The following FSTL5 variants were observed in gnomAD, a reference collection of about 807,000 sequenced individuals.
FSTL5 encodes follistatin like 5.
FSTL5 carries 62 observed loss-of-function variants against 89.1 expected under a neutral mutation model. That is an observed-to-expected ratio of 0.70 (90% CI 0.57 to 0.86). The LOEUF (loss-of-function observed/expected upper bound fraction) is 0.86, where lower values mean the gene tolerates loss of function less well. Ranked by LOEUF, FSTL5 falls within the 40% of genes least tolerant of loss-of-function variation. The probability of loss-of-function intolerance (pLI) is 0.00; values close to 1 mark genes in which losing one functional copy is unlikely to be tolerated. For synonymous variants in FSTL5, 383 were observed against 346.2 expected, an observed-to-expected ratio of 1.11 and a Z score of -1.18; for missense variants, 1,057 against 1,001.6, an observed-to-expected ratio of 1.06 and a Z score of -0.75.
intron 2 of FSTL5, among the ~76,000 whole-genome samples, chr4:162,079,042 G>C (rs569923803): frequency 6.6e-6 from 1 of 151,696 alleles, no homozygotes; most frequent in Non-Finnish European, 1.5e-5. Flanking sequence ...GACGTTTTAC[G>C]ATCCAGATGA....
At chr4:161,733,836 C>G (rs1739698480) in intron 6 of FSTL5, among the ~76,000 whole-genome samples, 1 of 151,820 alleles carries the variant, frequency 6.6e-6, no homozygotes, top group African/African-American at 2.4e-5. Flanking sequence ...TGTATATAAA[C>G]TTGGTACATC....
chr4:162,154,856 A>C (rs1733405850), intron 1 of FSTL5, among the ~76,000 whole-genome samples: 1 of 152,150 alleles, frequency 6.6e-6, no homozygotes, highest in African/African-American at 2.4e-5. Context: ...TCTTCCTATA[A>C]AAGATTTAAT....
intron 6 of FSTL5, among the ~76,000 whole-genome samples, chr4:161,752,558 C>G (rs1740433331): frequency 6.6e-6 from 1 of 152,138 alleles, no homozygotes; most frequent in African/African-American, 2.4e-5. Flanking sequence ...TAGTAAGTTC[C>G]TTTCTGCCAA....
At chr4:161,542,718 G>T in intron 8 of FSTL5, 25 bp from the exon 9 acceptor site, 1 of 1,371,512 alleles carries the variant, frequency 7.3e-7, no homozygotes, top group Non-Finnish European at 9.6e-7. Context: ...GAAAGAGAAA[G>T]TGAATTAGTG....
chr4:161,587,341 T>C (rs1733651154), intron 8 of FSTL5, 114 bp downstream of exon 8: 4 of 934,350 alleles, frequency 4.3e-6, no homozygotes, highest in Non-Finnish European at 4.9e-6. Flanking sequence ...CAGTTGAGTC[T>C]CAAAACTTGA....
At chr4:161,599,800 C>A (rs1363176742) in intron 7 of FSTL5, among the ~76,000 whole-genome samples, 1 of 151,924 alleles carries the variant, frequency 6.6e-6, no homozygotes, top group Non-Finnish European at 1.5e-5. Flanking sequence ...AAATAAATAT[C>A]CATTTACATA....
rs139348158 is a variant in FSTL5, at chr4:161,648,763, G to T, written c.894+7565C>A. Among the ~76,000 whole-genome samples the T allele has an allele frequency of 6.0e-3, 911 of 152,246 alleles. 9 individuals are homozygous for T. The highest frequency in any genetic ancestry group is 0.045 in the South Asian group (219 of 4,822). ...ATCTATGCACTGAAGGGCCCTAAATGTAGGTTCTATTAGCAATACTAAAAA... is the reference window on the plus strand; with the variant it reads ...ATCTATGCACTGAAGGGCCCTAAATTTAGGTTCTATTAGCAATACTAAAAA... On this transcript the variant is annotated intron_variant, in intron 7 of 15. Coordinates refer to ENST00000306100, the MANE Select transcript of FSTL5 (RefSeq NM_020116.5).
At chr4:161,929,681 G>GTGTGTGTGTGTGTGTGTT (rs1734229157) in intron 3 of FSTL5, among the ~76,000 whole-genome samples, 9 of 115,448 alleles carry the variant, frequency 7.8e-5, no homozygotes, top group African/African-American at 2.9e-4. Context: ...GTGTGTGTGT[G>GTGTGTGTGTGTGTGTGTT]TGTGTGTGTG....
At chr4:161,785,587 T>A (rs1481580553) in intron 4 of FSTL5, among the ~76,000 whole-genome samples, 1 of 152,132 alleles carries the variant, frequency 6.6e-6, no homozygotes, top group East Asian at 1.9e-4. Context: ...TAAACGACAG[T>A]CATAGAGAAA....
chr4:161,579,796 A>G (rs1333074643), intron 8 of FSTL5, among the ~76,000 whole-genome samples: 1 of 151,902 alleles, frequency 6.6e-6, no homozygotes, highest in Non-Finnish European at 1.5e-5. Context: ...TTGAAAATGG[A>G]TTGCAAAACC....
intron 15 of FSTL5, among the ~76,000 whole-genome samples, chr4:161,441,625 A>T (rs1488435387): frequency 6.6e-6 from 1 of 152,118 alleles, no homozygotes; most frequent in Non-Finnish European, 1.5e-5. Context: ...TGTGTGAAAG[A>T]CAAATTTTGA....
intron 2 of FSTL5, among the ~76,000 whole-genome samples, chr4:162,044,135 T>C (rs577392635): frequency 1.4e-4 from 21 of 152,288 alleles, no homozygotes; most frequent in African/African-American, 5.1e-4. Context: ...CAGATCCAGA[T>C]CCATCAGAGG....
chr4:162,036,758 G>A (rs911832011), intron 2 of FSTL5, among the ~76,000 whole-genome samples: 1 of 152,014 alleles, frequency 6.6e-6, no homozygotes, highest in African/African-American at 2.4e-5. Context: ...ATTATTCTGA[G>A]AGGTGAAGTA....
chr4:161,767,556 C>T (rs1391094242), intron 5 of FSTL5, among the ~76,000 whole-genome samples: 4 of 152,026 alleles, frequency 2.6e-5, no homozygotes, highest in Non-Finnish European at 4.4e-5. Flanking sequence ...TGAATTCTTA[C>T]TGTTGGAGAA....
At chr4:161,528,705 A>C (rs932819254) in intron 10 of FSTL5, among the ~76,000 whole-genome samples, 4 of 143,488 alleles carry the variant, frequency 2.8e-5, no homozygotes, top group Admixed American at 1.5e-4. Context: ...GAGAACACTA[A>C]GAGAATCATA....
chr4:161,665,828 G>C (rs1311751291), intron 6 of FSTL5, among the ~76,000 whole-genome samples: 1 of 130,986 alleles, frequency 7.6e-6, no homozygotes, highest in Non-Finnish European at 1.7e-5. Flanking sequence ...AATGATTCTA[G>C]ATGAACACTC....
chr4:161,916,834 T>TATAG (rs1339427147), intron 4 of FSTL5, among the ~76,000 whole-genome samples: 1 of 152,124 alleles, frequency 6.6e-6, no homozygotes, highest in African/African-American at 2.4e-5. Context: ...GATATACAGA[T>TATAG]ATAGGTATAT....
At chr4:161,516,207 T>C (rs1730823504) in intron 10 of FSTL5, among the ~76,000 whole-genome samples, 2 of 149,104 alleles carry the variant, frequency 1.3e-5, no homozygotes, top group South Asian at 4.2e-4. Flanking sequence ...TCTGCTTATG[T>C]CCTCAGCTCC....
intron 4 of FSTL5, among the ~76,000 whole-genome samples, chr4:161,858,923 T>TG (rs1400792703): frequency 6.6e-6 from 1 of 151,856 alleles, no homozygotes; most frequent in African/African-American, 2.4e-5. Context: ...CCAATATTGC[T>TG]GGGAAAAAAA....
Sources: allele counts gnomAD v4.1 joint callset (sites outside exome capture counted in the v4.1 genomes callset), GRCh38; gene constraint gnomAD v4.1.1; transcripts MANE v1.5; gene names NCBI Gene and HGNC (gene_info 2026-07-23, HGNC 2026-07-21).